Variants in MALRD1 observed in about 807,000 individuals in gnomAD.
MALRD1 encodes MAM and LDL receptor class A domain containing 1.
In MALRD1, 247 loss-of-function variants were observed where a neutral mutation model predicts 242.1. The observed-to-expected ratio is 1.02, with a 90% CI of 0.92 to 1.13. The LOEUF (loss-of-function observed/expected upper bound fraction) is 1.13. MALRD1 is among the 50% of genes most tolerant of loss of function. The probability of loss-of-function intolerance (pLI) is 0.00; values close to 1 mark genes in which losing one functional copy is unlikely to be tolerated. For missense variants in MALRD1, 2,989 were observed against 2,533.1 expected (o/e 1.18, Z -3.86); for synonymous variants, 995 against 866.6 (o/e 1.15, Z -2.60).
At chr10:19,229,316 A>G (rs760214972) in intron 18 of MALRD1, among the ~76,000 whole-genome samples, 77 of 152,226 alleles carry the variant, frequency 5.1e-4, no homozygotes, top group African/African-American at 1.7e-3. Flanking sequence ...TTTTGAGGAG[A>G]TATTTACACC....
Position 19,275,790 on chromosome 10 carries a change from A to C in MALRD1, c.3080-4257A>C, listed in dbSNP as rs533909124. Among the ~76,000 whole-genome samples, 3 of 152,372 alleles carry C rather than the reference A, an allele frequency of 2.0e-5. No individual in the cohort carries two copies. The South Asian group carries it at 6.2e-4, about 32-fold the overall frequency. On this transcript the variant is annotated intron_variant, in intron 19 of 39. Coordinates refer to ENST00000454679, the MANE Select transcript of MALRD1 (RefSeq NM_001142308.3). ...TAGTACAGTCAGTGAAGAACATCAT[A>C]TATGTGTTTCCATTTAGCTGTTTAT... is the stretch of plus-strand genomic sequence containing the variant.
chr10:19,324,139 C>A, intron 22 of MALRD1, 34 bp downstream of exon 22: 1 of 1,538,900 alleles, frequency 6.5e-7, no homozygotes, highest in Non-Finnish European at 8.8e-7. Flanking sequence ...TCTGAATTTT[C>A]TCTCTAAAAG....
chr10:19,541,575 C>G (rs12219073), intron 32 of MALRD1, among the ~76,000 whole-genome samples: 56,087 of 151,978 alleles, frequency 0.37, 11,783 homozygotes, highest in Non-Finnish European at 0.47. Context: ...AGAATAGATT[C>G]AAGTTTCTCC....
chr10:19,483,206 G>A (rs1479532221), intron 29 of MALRD1, among the ~76,000 whole-genome samples: 1 of 148,538 alleles, frequency 6.7e-6, no homozygotes, highest in Non-Finnish European at 1.5e-5. Context: ...AAGAATCCTA[G>A]AAAAAAAAAA....
At chr10:19,729,050 A>C (rs1222140970) in intron 38 of MALRD1, among the ~76,000 whole-genome samples, 3 of 152,262 alleles carry the variant, frequency 2.0e-5, no homozygotes, top group Admixed American at 6.5e-5. Flanking sequence ...CCTATTCATC[A>C]ATAAGCAAAA....
intron 13 of MALRD1, among the ~76,000 whole-genome samples, chr10:19,172,668 T>A (rs1835063858): frequency 6.6e-6 from 1 of 151,634 alleles, no homozygotes; most frequent in Non-Finnish European, 1.5e-5. Flanking sequence ...AACTGTCGTT[T>A]TTTTTCCTCC....
intron 38 of MALRD1, among the ~76,000 whole-genome samples, chr10:19,713,877 G>A (rs1834255937): frequency 6.6e-6 from 1 of 152,184 alleles, no homozygotes; most frequent in South Asian, 2.1e-4. Context: ...GAAAAATGTT[G>A]AAATGGGAAA....
intron 18 of MALRD1, among the ~76,000 whole-genome samples, chr10:19,239,356 T>C (rs1455835771): frequency 6.6e-6 from 1 of 152,168 alleles, no homozygotes; most frequent in African/African-American, 2.4e-5. Context: ...TTTGTGTTTT[T>C]GCTGTTGAGT....
At chr10:19,262,863 C>G (rs1588804771) in intron 19 of MALRD1, among the ~76,000 whole-genome samples, 1 of 152,134 alleles carries the variant, frequency 6.6e-6, no homozygotes, top group East Asian at 1.9e-4. Context: ...TTAGATTCCT[C>G]TTACATGTGC....
chr10:19,298,188 G>C (rs767070268), intron 21 of MALRD1, among the ~76,000 whole-genome samples: 1 of 151,968 alleles, frequency 6.6e-6, no homozygotes, highest in Non-Finnish European at 1.5e-5. Context: ...CACATGGGAA[G>C]AAGGACCAAG....
At chr10:19,307,917 G>T (rs1842283058) in intron 21 of MALRD1, among the ~76,000 whole-genome samples, 1 of 151,418 alleles carries the variant, frequency 6.6e-6, no homozygotes, top group Non-Finnish European at 1.5e-5. Flanking sequence ...TCCATAGTAG[G>T]TGTATATATT....
In MALRD1 at chr10:19,692,345, C is replaced by A. The variant is rs896611006; in HGVS notation, c.6201C>A (p.Phe2067Leu). ...HIKFNPPATDFTYAQNNTWTL... is the reference protein window; with the variant it reads ...HIKFNPPATDLTYAQNNTWTL... ...AGTTTAATCCTCCTGCTACAGACTT[C>A]ACATACGCTCAGAATAGTAGGTGAC... Residue 2067 changes from phenylalanine to leucine, a missense_variant, in exon 37 of 40, where the codon TTC (phenylalanine) becomes TTA (leucine). Phe to Leu is a conservative substitution (Grantham distance 22). Transcript: ENST00000454679. 9 of 1,535,406 alleles carry A rather than the reference C, an allele frequency of 5.9e-6. No individual in the cohort carries two copies. The highest frequency in any genetic ancestry group is 7.9e-6 in the Non-Finnish European group (9 of 1,146,464).
intron 36 of MALRD1, among the ~76,000 whole-genome samples, chr10:19,673,370 G>C (rs1842007053): frequency 6.6e-6 from 1 of 152,170 alleles, no homozygotes; most frequent in African/African-American, 2.4e-5. Context: ...CTGGGTGACA[G>C]AGTGGGACTC....
chr10:19,529,624 ATAT>A (rs1275403934), intron 31 of MALRD1, among the ~76,000 whole-genome samples: 1 of 150,514 alleles, frequency 6.6e-6, no homozygotes, highest in Non-Finnish European at 1.5e-5. Flanking sequence ...AATGTTATAA[ATAT>A]TAGTCCAACT....
intron 13 of MALRD1, among the ~76,000 whole-genome samples, chr10:19,167,818 G>A (rs1834763347): frequency 1.3e-5 from 2 of 152,118 alleles, no homozygotes; most frequent in African/African-American, 4.8e-5. Context: ...CATGGAGTGA[G>A]GGGTAAGTAA....
At position 19,116,454 on chromosome 10, in the gene MALRD1, A is replaced by G. The variant is rs1482666422; in HGVS notation, c.695-7038A>G. ...AGCTTCCAGTTTTCTTTTAAGAGAC[A>G]GTAACTGTTCCTTCCTTGAAATCCA... On this transcript the variant is annotated intron_variant, in intron 5 of 39. Coordinates refer to ENST00000454679, the MANE Select transcript of MALRD1 (RefSeq NM_001142308.3). Among the ~76,000 whole-genome samples, 7 of 152,244 alleles carry G rather than the reference A, an allele frequency of 4.6e-5. 1 individual carries two copies. The East Asian group carries it at 9.6e-4, about 21-fold the overall frequency.
Position 19,124,612 on chromosome 10 carries a change from G to A in MALRD1, c.885G>A (p.Ala295=), listed in dbSNP as rs566658512. The A allele has an allele frequency of 3.7e-5, 46 of 1,233,770 alleles. No individual in the cohort carries two copies. The highest frequency in any genetic ancestry group is 4.1e-4 in the Middle Eastern group (2 of 4,838). 76.4% of individuals were successfully genotyped at this position (1,233,770 alleles called of 1,614,324 possible). A position where few individuals can be genotyped will look rare whatever the true frequency, so the allele number is the denominator to read the frequency against. ...AGQISWMRTK[A]REIPAFESTP... ...AAATTTCCTGGATGCGCACAAAAGC[G>A]AGAGAGATCCCTGCATTCGAATCCA... Residue 295 remains alanine (A), a synonymous_variant, in exon 7 of 40, where the codon GCG becomes GCA. Transcript: ENST00000454679.
intron 14 of MALRD1, among the ~76,000 whole-genome samples, chr10:19,190,071 G>A (rs527429919): frequency 7.2e-5 from 11 of 152,066 alleles, no homozygotes; most frequent in African/African-American, 2.2e-4. Flanking sequence ...ATCCCTTTAA[G>A]TTCTACAAAA....
chr10:19,357,312 A>C (rs1844682192), intron 26 of MALRD1, among the ~76,000 whole-genome samples: 1 of 152,040 alleles, frequency 6.6e-6, no homozygotes, highest in African/African-American at 2.4e-5. Flanking sequence ...GATTCTTAAG[A>C]ATTAAAAGAG....
Sources: gnomAD v4.1 joint callset for allele counts (sites outside exome capture counted in the v4.1 genomes callset) on GRCh38, gnomAD v4.1.1 for gene constraint, MANE v1.5 for transcripts, NCBI Gene and HGNC (gene_info 2026-07-23, HGNC 2026-07-21) for gene names.